SORL1: variants seen among roughly 807,000 people sequenced by gnomAD.
The protein encoded by SORL1 is sortilin-related receptor.
SORL1 carries 127 observed loss-of-function variants against 273.7 expected under a neutral mutation model. The ratio of observed to expected loss-of-function variants is 0.46; its 90% CI spans 0.40 to 0.54. The LOEUF (loss-of-function observed/expected upper bound fraction) is 0.54. Among genes scored for constraint, SORL1 ranks in the 20% least tolerant of loss-of-function variants. SORL1 has a pLI of 0.00. For synonymous variants in SORL1, 1,031 were observed against 1,067.4 expected (o/e 0.97, Z 0.66); for missense variants, 2,494 against 2,846.1 (o/e 0.88, Z 2.81).
chr11:121,553,819 C>A, intron 16 of SORL1, 118 bp from the exon 17 acceptor site: 1 of 967,688 alleles, frequency 1.0e-6, no homozygotes. Context: ...TTCACTTGGT[C>A]CACACCACAT....
chr11:121,514,297 G>C lies in SORL1; in HGVS notation c.1187G>C (p.Gly396Ala), dbSNP rs1206210211. ...LENVLYYSPG[G>A]AGSDTLVRYF... ...AACGTGCTCTATTACAGCCCAGGAGGGGCCGGCAGTGACACCTTGGTGAGG... is the reference window on the plus strand; with the variant it reads ...AACGTGCTCTATTACAGCCCAGGAGCGGCCGGCAGTGACACCTTGGTGAGG... The change falls in exon 8 of 48, where the codon GGG (glycine) becomes GCG (alanine). Residue 396 changes from glycine to alanine, a missense_variant. Gly to Ala is a moderately conservative substitution (Grantham distance 60). Coordinates refer to ENST00000260197, the MANE Select transcript of SORL1 (RefSeq NM_003105.6). 1.2e-6 allele frequency: 2 copies of C among 1,613,824 alleles called. No individual in the cohort carries two copies. Among genetic ancestry groups the C allele is most frequent in the East Asian group, 4.5e-5 (2 of 44,894 alleles).
intron 2 of SORL1, among the ~76,000 whole-genome samples, chr11:121,476,498 A>T (rs1329594719): frequency 6.6e-6 from 1 of 152,152 alleles, no homozygotes; most frequent in Non-Finnish European, 1.5e-5. Context: ...GTGTTTACAT[A>T]GGGCATTGTT....
At position 121,540,522 on chromosome 11, in the gene SORL1, C is replaced by CAAAAAAAAA. The variant is rs34608652; in HGVS notation, c.1686-3020_1686-3012dup. 2.3e-3 allele frequency among the ~76,000 whole-genome samples: 235 copies of CAAAAAAAAA among 103,858 alleles called. 4 individuals are homozygous for CAAAAAAAAA. The highest frequency in any genetic ancestry group is 8.0e-3 in the African/African-American group (221 of 27,492). The allele number at this position is 103,858 out of a possible 152,430, so 68.1% of individuals were successfully genotyped here. A position where few individuals can be genotyped will look rare whatever the true frequency, so the allele number is the denominator to read the frequency against. On this transcript the variant is annotated intron_variant, in intron 12 of 47. Coordinates refer to ENST00000260197, the MANE Select transcript of SORL1 (RefSeq NM_003105.6). Reference sequence around the variant, plus strand: ...TGAAATCCTATCTCTACTAAAAATACAAAAAAAAAAAAAAGAATGCAAAGA... The same window carrying CAAAAAAAAA: ...TGAAATCCTATCTCTACTAAAAATACAAAAAAAAAAAAAAAAAAAAAAAGAATGCAAAGA...
At chr11:121,617,930 G>C (rs74467501) in intron 41 of SORL1, among the ~76,000 whole-genome samples, 1,759 of 152,256 alleles carry the variant, frequency 0.012, 47 homozygotes, top group African/African-American at 0.041. Context: ...GCAGTGCAGG[G>C]CTTCTGTCGT....
At chr11:121,611,262 C>CA (rs1163108425) in intron 39 of SORL1, 104 bp downstream of exon 39, 86 of 736,100 alleles carry the variant, frequency 1.2e-4, no homozygotes, top group Admixed American at 1.6e-4. Flanking sequence ...AAACAAAAAA[C>CA]AAAAAAAACG....
intron 11 of SORL1, 79 bp from the exon 12 acceptor site, chr11:121,532,385 A>G (rs558419772): frequency 9.3e-6 from 12 of 1,296,092 alleles, no homozygotes; most frequent in Non-Finnish European, 1.2e-5. Context: ...ACGTGTGTGC[A>G]TGCCTGTGGG....
rs201415809 is a variant in SORL1, at chr11:121,604,243, G to A, written c.4570G>A (p.Gly1524Arg). 112 of 1,614,142 alleles carry A rather than the reference G, an allele frequency of 6.9e-5. No individual in the cohort carries two copies. In the East Asian group the frequency reaches 1.8e-3, roughly 26 times the overall value. ...GAGCAGGGAGTTCCAGTGCGAGGAC[G>A]GGGAGGCCTGCATTGTGCTCTCGGA... Reference protein sequence around the residue: ...CMSREFQCEDGEACIVLSERC... With the variant: ...CMSREFQCEDREACIVLSERC... Residue 1524 changes from glycine (G) to arginine (R), a missense_variant, in exon 33 of 48, where the codon GGG (glycine) becomes AGG (arginine). Around this residue, in one of 3 missense-constraint regions of SORL1, gnomAD observed 1,609 missense variants for 1,816.4 expected, o/e 0.89. Transcript: ENST00000260197.
At chr11:121,540,102 G>GT in intron 12 of SORL1, among the ~76,000 whole-genome samples, 1 of 152,254 alleles carries the variant, frequency 6.6e-6, no homozygotes, top group East Asian at 1.9e-4. Flanking sequence ...GTTGCTCTTG[G>GT]TTATATGACC....
chr11:121,592,475 G>A (rs892295625), intron 31 of SORL1, among the ~76,000 whole-genome samples: 1 of 152,178 alleles, frequency 6.6e-6, no homozygotes, highest in African/African-American at 2.4e-5. Flanking sequence ...CTCCTTTCAA[G>A]CTCCACCTCT....
intron 3 of SORL1, among the ~76,000 whole-genome samples, chr11:121,483,983 C>T (rs780161852): frequency 6.6e-6 from 1 of 151,970 alleles, no homozygotes; most frequent in African/African-American, 2.4e-5. Context: ...AGGGCGTCAG[C>T]AGAGACTGCA....
intron 33 of SORL1, 123 bp from the exon 34 acceptor site, chr11:121,604,990 C>G: frequency 2.9e-6 from 2 of 688,872 alleles, no homozygotes; most frequent in South Asian, 4.4e-5. Context: ...AGGCCAGTCT[C>G]GAACTCCTGA....
rs558460452 is a variant in SORL1 at position 121,488,073 on chromosome 11, G to A, written c.570G>A (p.Thr190=). 2.0e-5 allele frequency: 32 copies of A among 1,614,146 alleles called. 2 individuals carry two copies. The Admixed American group carries it at 2.3e-4, about 12-fold the overall frequency. ...ADAYAQYLWI[T]FDFCNTLQGF... is the part of the protein sequence containing the mutation. ...CTTATGCCCAGTACCTCTGGATCAC[G>A]TTTGACTTCTGCAACACTCTTCAAG... The change falls in exon 4 of 48, where the codon ACG becomes ACA. Residue 190 remains threonine (T), a synonymous_variant. Coordinates refer to ENST00000260197, the MANE Select transcript of SORL1 (RefSeq NM_003105.6).
At chr11:121,469,805 C>G (rs2134781261) in intron 1 of SORL1, among the ~76,000 whole-genome samples, 1 of 152,274 alleles carries the variant, frequency 6.6e-6, no homozygotes, top group Non-Finnish European at 1.5e-5. Flanking sequence ...TCCAAAATAG[C>G]AGGGGACTCA....
intron 6 of SORL1, among the ~76,000 whole-genome samples, chr11:121,500,460 T>C (rs755798318): frequency 2.6e-5 from 4 of 152,262 alleles, no homozygotes; most frequent in Non-Finnish European, 5.9e-5. Context: ...TAGGAAACTA[T>C]GGCCCACCAC....
chr11:121,484,402 G>T (rs1230705756), intron 3 of SORL1, among the ~76,000 whole-genome samples: 1 of 152,168 alleles, frequency 6.6e-6, no homozygotes, highest in East Asian at 1.9e-4. Flanking sequence ...GTGAAGACGT[G>T]GGCCATGCCA....
chr11:121,480,096 G>T (rs1861349338), intron 3 of SORL1, among the ~76,000 whole-genome samples: 1 of 152,170 alleles, frequency 6.6e-6, no homozygotes, highest in African/African-American at 2.4e-5. Context: ...TTCTGTGGAT[G>T]GATCCATATG....
chr11:121,555,071 C>A, intron 17 of SORL1, 116 bp from the exon 18 acceptor site: 2 of 1,138,232 alleles, frequency 1.8e-6, no homozygotes, highest in Non-Finnish European at 2.4e-6. Flanking sequence ...TAACGTAAAA[C>A]ATCTCATCCC....
At chr11:121,515,380 G>A (rs1423134984) in intron 8 of SORL1, among the ~76,000 whole-genome samples, 1 of 152,174 alleles carries the variant, frequency 6.6e-6, no homozygotes, top group African/African-American at 2.4e-5. Flanking sequence ...TTCAGGAGGG[G>A]GACATTTAAG....
intron 1 of SORL1, among the ~76,000 whole-genome samples, chr11:121,467,947 A>G (rs1861109418): frequency 6.6e-6 from 1 of 152,218 alleles, no homozygotes; most frequent in Admixed American, 6.5e-5. Flanking sequence ...TTTCAAAAAG[A>G]GTTTGATCCT....
Sources: allele counts gnomAD v4.1 joint callset (sites outside exome capture counted in the v4.1 genomes callset), GRCh38; gene constraint gnomAD v4.1.1; regional missense constraint gnomAD v4.1.1; transcripts MANE v1.5; gene names NCBI Gene and HGNC (gene_info 2026-07-23, HGNC 2026-07-21).